Variants in GTPBP10 observed in about 807,000 individuals in gnomAD.
The protein encoded by GTPBP10 is GTP-binding protein 10.
GTPBP10 carries 38 observed loss-of-function variants against 44.8 expected under a neutral mutation model. That is an observed-to-expected ratio of 0.85 (90% CI 0.65 to 1.11). GTPBP10 has a LOEUF of 1.11. Among genes scored for constraint, GTPBP10 ranks in the 50% most tolerant of loss-of-function variants. The probability of loss-of-function intolerance (pLI) is 0.00; values close to 1 mark genes in which losing one functional copy is unlikely to be tolerated. For missense variants in GTPBP10, 462 were observed against 453.7 expected (o/e 1.02, Z -0.17); for synonymous variants, 152 against 150.6 (o/e 1.01, Z -0.07).
intron 2 of GTPBP10, 47 bp from the exon 3 acceptor site, chr7:90,354,411 T>C (rs1222645285): frequency 1.1e-6 from 1 of 891,850 alleles, no homozygotes; most frequent in Non-Finnish European, 1.7e-6. Context: ...TGTGTGTGTA[T>C]ATATACACAC....
intron 4 of GTPBP10, among the ~76,000 whole-genome samples, chr7:90,355,997 A>G (rs1795893365): frequency 7.5e-6 from 1 of 133,722 alleles, no homozygotes; most frequent in Non-Finnish European, 1.5e-5. Flanking sequence ...GCCCTATCAC[A>G]GTATTACACA....
intron 2 of GTPBP10, among the ~76,000 whole-genome samples, chr7:90,353,622 T>C (rs1795838302): frequency 6.6e-6 from 1 of 152,194 alleles, no homozygotes; most frequent in Non-Finnish European, 1.5e-5. Flanking sequence ...GCATTCTGTG[T>C]AGATACTATT....
At chr7:90,381,892 TCA>T (rs1178599809) in intron 8 of GTPBP10, among the ~76,000 whole-genome samples, 1 of 152,140 alleles carries the variant, frequency 6.6e-6, no homozygotes, top group African/African-American at 2.4e-5. Flanking sequence ...GATCCTTACT[TCA>T]CACCATATAA....
chr7:90,371,046 A>AATAAATAAATAAATAG (rs1253743454), intron 4 of GTPBP10: 2 of 134,976 alleles, frequency 1.5e-5, no homozygotes, highest in Admixed American at 7.6e-5. Context: ...TAAATAAATA[A>AATAAATAAATAAATAG]ATAGATATGA....
chr7:90,364,304 A>G (rs918110205), intron 4 of GTPBP10, among the ~76,000 whole-genome samples: 1 of 151,946 alleles, frequency 6.6e-6, no homozygotes, highest in African/African-American at 2.4e-5. Context: ...TGACGTACAG[A>G]TGGGTTTTTG....
chr7:90,349,471 G>C (rs1336594721), intron 1 of GTPBP10, among the ~76,000 whole-genome samples: 2 of 152,142 alleles, frequency 1.3e-5, no homozygotes, highest in Non-Finnish European at 2.9e-5. Flanking sequence ...AGTCAGTCTC[G>C]TATTGGGAAG....
At chr7:90,364,009 C>T (rs1796081359) in intron 4 of GTPBP10, among the ~76,000 whole-genome samples, 1 of 152,226 alleles carries the variant, frequency 6.6e-6, no homozygotes, top group Non-Finnish European at 1.5e-5. Flanking sequence ...AACTTCTCTG[C>T]ATTGGCTATT....
intron 7 of GTPBP10, 27 bp downstream of exon 7, chr7:90,377,641 A>C (rs746351134): frequency 6.6e-6 from 9 of 1,365,226 alleles, no homozygotes; most frequent in Non-Finnish European, 7.1e-6. Flanking sequence ...CTAATGTGAT[A>C]TTCAAATAAA....
chr7:90,365,005 C>T (rs1184227383), intron 4 of GTPBP10, among the ~76,000 whole-genome samples: 4 of 152,168 alleles, frequency 2.6e-5, no homozygotes, highest in South Asian at 2.1e-4. Flanking sequence ...GGGAGTGACC[C>T]GATTTTCCAG....
At chr7:90,379,132 A>T (rs563650611) in intron 8 of GTPBP10, among the ~76,000 whole-genome samples, 6 of 152,330 alleles carry the variant, frequency 3.9e-5, no homozygotes, top group Admixed American at 1.3e-4. Flanking sequence ...AACTTAGTGA[A>T]TGTGTAAGCT....
intron 8 of GTPBP10, among the ~76,000 whole-genome samples, chr7:90,380,960 C>G (rs1214392272): frequency 6.6e-6 from 1 of 152,016 alleles, no homozygotes; most frequent in Non-Finnish European, 1.5e-5. Flanking sequence ...TTATAAACGA[C>G]AAGATTTTCT....
At chr7:90,364,984 A>C (rs542318593) in intron 4 of GTPBP10, among the ~76,000 whole-genome samples, 2 of 152,306 alleles carry the variant, frequency 1.3e-5, no homozygotes, top group African/African-American at 4.8e-5. Context: ...GGAAAAGTGC[A>C]GTATTAGGGT....
At chr7:90,374,421 A>G (rs1308867234) in intron 6 of GTPBP10, 67 bp downstream of exon 6, 3 of 1,013,488 alleles carry the variant, frequency 3.0e-6, no homozygotes, top group East Asian at 4.8e-5. Context: ...ACGTACTTGG[A>G]TATTATAGTT....
At chr7:90,361,780 G>T (rs1450058545) in intron 4 of GTPBP10, among the ~76,000 whole-genome samples, 3 of 152,014 alleles carry the variant, frequency 2.0e-5, no homozygotes, top group African/African-American at 7.2e-5. Context: ...TTGGTTGGTA[G>T]GCTATTAATT....
At position 90,365,445 on chromosome 7, in the gene GTPBP10, G is replaced by A. The variant is rs1408751562; in HGVS notation, c.465-6710G>A. On this transcript the variant is annotated intron_variant, in intron 4 of 9. Coordinates refer to ENST00000222511, the MANE Select transcript of GTPBP10 (RefSeq NM_033107.4). The stretch of plus-strand genomic sequence containing the variant: ...GGCTGGAGTGCAGTGGCGGGATCTC[G>A]GCTCACTGCAAGCTCCGCCTCCCAG... Among the ~76,000 whole-genome samples, 69 of 134,776 alleles carry A rather than the reference G, an allele frequency of 5.1e-4. 1 individual carries two copies. The highest frequency in any genetic ancestry group is 9.1e-4 in the Non-Finnish European group (59 of 65,142). 88.4% of individuals were successfully genotyped at this position (134,776 alleles called of 152,430 possible). A position where few individuals can be genotyped will look rare whatever the true frequency, so the allele number is the denominator to read the frequency against.
In GTPBP10 at chr7:90,378,123, C is replaced by T. The variant is rs1215637581; in HGVS notation, c.700-11C>T. On this transcript the variant is annotated splice_polypyrimidine_tract_variant and intron_variant, in intron 7 of 9. Coordinates refer to ENST00000222511, the MANE Select transcript of GTPBP10 (RefSeq NM_033107.4). ...TGTTAAAGGCTGTCTCTTTCCTTCT[C>T]TTTTTTTTAGGTTGATATTTCTGGA... 6.2e-7 allele frequency: 1 copy of T among 1,604,234 alleles called. No individual in the cohort carries two copies. The highest frequency in any genetic ancestry group is 8.5e-7 in the Non-Finnish European group (1 of 1,172,986).
intron 9 of GTPBP10, among the ~76,000 whole-genome samples, chr7:90,384,257 T>TAGAA (rs1796484487): frequency 3.9e-5 from 6 of 152,182 alleles, no homozygotes; most frequent in Non-Finnish European, 7.4e-5. Flanking sequence ...AGTCCAGCCT[T>TAGAA]TCTAGTTCAT....
chr7:90,380,074 CTTTTTTTTTTTT>C (rs58735928), intron 8 of GTPBP10, among the ~76,000 whole-genome samples: 4 of 104,372 alleles, frequency 3.8e-5, no homozygotes, highest in Non-Finnish European at 5.8e-5. Context: ...AGTCCCTTCT[CTTTTTTTTTTTT>C]TTTTTTTTTT....
intron 9 of GTPBP10, 47 bp downstream of exon 9, chr7:90,383,126 T>A: frequency 1.4e-6 from 2 of 1,385,516 alleles, no homozygotes; most frequent in Non-Finnish European, 1.9e-6. Flanking sequence ...ATAATTACAA[T>A]GTACAGAGAA....
Sources: gnomAD v4.1 joint callset for allele counts (sites outside exome capture counted in the v4.1 genomes callset) on GRCh38, gnomAD v4.1.1 for gene constraint, MANE v1.5 for transcripts, NCBI Gene and HGNC (gene_info 2026-07-23, HGNC 2026-07-21) for gene names.